CXCR6: variants seen among roughly 807,000 people sequenced by gnomAD.
CXCR6 encodes C-X-C motif chemokine receptor 6.
Under a neutral mutation model 1.6 loss-of-function variants are expected in CXCR6, and 3 were observed. That is an observed-to-expected ratio of 1.83 (90% CI 0.83 to 4.72). CXCR6 has a LOEUF of 4.72. CXCR6 is among the 30% of genes most tolerant of loss of function. The probability of loss-of-function intolerance (pLI) is 0.02; values close to 1 mark genes in which losing one functional copy is unlikely to be tolerated. For missense variants in CXCR6, 326 were observed against 414.8 expected (o/e 0.79, Z 1.86); for synonymous variants, 171 against 159.2 (o/e 1.07, Z -0.56).
intron 1 of CXCR6, 135 bp from the exon 2 acceptor site, chr3:45,946,326 G>C: frequency 1.6e-6 from 1 of 639,128 alleles, no homozygotes. Context: ...ATACTGGACT[G>C]TGCTGTTTCT....
chr3:45,946,919 C>A lies in CXCR6; in HGVS notation c.438C>A (p.Thr146=), dbSNP rs777480334. Residue 146 remains threonine, a synonymous_variant, in exon 2 of 2, where the codon ACC becomes ACA. Transcript: ENST00000304552. The stretch of plus-strand genomic sequence containing the variant: ...ACAACCAGCAAGCCAAGAGGATGAC[C>A]TGGGGCAAGGTCACCAGCTTGCTCA... The part of the protein sequence containing the change: ...KAYNQQAKRM[T]WGKVTSLLIW... 2 of 1,614,232 alleles carry A rather than the reference C, an allele frequency of 1.2e-6. No individual in the cohort carries two copies. Among genetic ancestry groups the A allele is most frequent in the Non-Finnish European group, 1.7e-6 (2 of 1,180,018 alleles).
chr3:45,947,204 G>A lies in CXCR6; in HGVS notation c.723G>A (p.Leu241=). ...KIIFLVMAVF[L]LTQMPFNLMK... Reference sequence around the variant, plus strand: ...TCTTCCTGGTGATGGCTGTGTTCCTGCTGACCCAGATGCCCTTCAACCTCA... The same window carrying A: ...TCTTCCTGGTGATGGCTGTGTTCCTACTGACCCAGATGCCCTTCAACCTCA... The change falls in exon 2 of 2, where the codon CTG becomes CTA. Residue 241 remains leucine, a synonymous_variant. Coordinates refer to ENST00000304552, the MANE Select transcript of CXCR6 (RefSeq NM_006564.2). 2.5e-6 allele frequency: 4 copies of A among 1,614,148 alleles called. No individual in the cohort carries two copies. The highest frequency in any genetic ancestry group is 2.2e-5 in the South Asian group (2 of 91,078).
At chr3:45,942,808 C>T (rs2234350), upstream of CXCR6, among the ~76,000 whole-genome samples, 2 of 152,168 alleles carry the variant, frequency 1.3e-5, no homozygotes, top group African/African-American at 4.8e-5. Context: ...AGCCAGCCTA[C>T]GCAGGGTGGG....
intron 1 of CXCR6, among the ~76,000 whole-genome samples, chr3:45,944,790 G>A (rs891194973): frequency 1.3e-5 from 2 of 152,190 alleles, no homozygotes; most frequent in Admixed American, 6.5e-5. Context: ...AAAAAAAGGC[G>A]AGAGCGAGTC....
Position 45,947,379 on chromosome 3 carries a change from T to C in CXCR6, c.898T>C (p.Trp300Arg), listed in dbSNP as rs749402028. Residue 300 changes from tryptophan (W) to arginine (R), a missense_variant, in exon 2 of 2, where the codon TGG (tryptophan) becomes CGG (arginine). Physicochemically the swap from Trp to Arg is moderately radical, Grantham distance 101. Coordinates refer to ENST00000304552, the MANE Select transcript of CXCR6 (RefSeq NM_006564.2). ...CAGCCTGAAGTTTCGAAAGAACTTC[T>C]GGAAACTTGTGAAGGACATTGGTTG... ...FVSLKFRKNF[W>R]KLVKDIGCLP... The C allele has an allele frequency of 3.7e-6, 6 of 1,614,264 alleles. No homozygotes were observed. The highest frequency in any genetic ancestry group is 1.3e-5 in the African/African-American group (1 of 75,064).
Position 45,947,508 on chromosome 3 carries a change from T to C in CXCR6, c.1027T>C (p.Ter343GlnextTer23). The C allele has an allele frequency of 1.2e-6, 2 of 1,611,060 alleles. No individual in the cohort carries two copies. The highest frequency in any genetic ancestry group is 1.1e-5 in the South Asian group (1 of 91,042). Residue 343 changes from the stop codon to glutamine (Q), a stop_lost, in exon 2 of 2, where the codon TAG becomes CAG. Coordinates refer to ENST00000304552, the MANE Select transcript of CXCR6 (RefSeq NM_006564.2). ...NVEATSMFQL[*>Q] ...GGAGGCCACCAGCATGTTCCAGTTA[T>C]AGGCCTTGCCAGGGTTTCGAGAAGC...
intron 1 of CXCR6, chr3:45,945,850 C>T (rs1013201391): frequency 6.6e-6 from 1 of 152,244 alleles, no homozygotes; most frequent in African/African-American, 2.4e-5. Flanking sequence ...CTTTGAAAAT[C>T]TATGCAATTG....
chr3:45,942,327 A>G (rs1050335956), upstream of CXCR6, among the ~76,000 whole-genome samples: 2 of 152,224 alleles, frequency 1.3e-5, no homozygotes, highest in Admixed American at 1.3e-4. Flanking sequence ...GGCTGTACAT[A>G]GAAGCATCCA....
chr3:45,944,746 A>G (rs1421925914), intron 1 of CXCR6, among the ~76,000 whole-genome samples: 2 of 152,214 alleles, frequency 1.3e-5, no homozygotes, highest in East Asian at 3.9e-4. Context: ...ATGGCAGCAT[A>G]AGGGACCAGC....
rs755410027 is a variant in CXCR6, at chr3:45,947,482, T to TGGAGTG, written c.1005_1006insTGGGAG (p.Glu335_Ala336insTrpGlu). On this transcript the variant is annotated inframe_insertion, in exon 2 of 2. Coordinates refer to ENST00000304552, the MANE Select transcript of CXCR6 (RefSeq NM_006564.2). ...AAGACTTTTTCTGCCTCCCACAATG[T>TGGAGTG]GGAGGCCACCAGCATGTTCCAGTTA... The TGGAGTG allele has an allele frequency of 6.2e-7, 1 of 1,613,842 alleles. No homozygotes were observed. Among genetic ancestry groups the TGGAGTG allele is most frequent in the African/African-American group, 1.3e-5 (1 of 75,054 alleles).
chr3:45,943,474 A>G lies in CXCR6; in HGVS notation c.-88A>G, dbSNP rs536451108. 1 of 152,352 alleles carries G rather than the reference A, an allele frequency of 6.6e-6. No individual in the cohort carries two copies. Among genetic ancestry groups the G allele is most frequent in the Non-Finnish European group, 1.5e-5 (1 of 68,032 alleles). The allele number at this position is 152,352 out of a possible 1,614,324, so 9.4% of individuals were successfully genotyped here. Reference sequence around the variant, plus strand: ...GCGGAAACATGAACCACATCACAGAAGTAGAGGCAGACCTTGCTTCATGAG... The same window carrying G: ...GCGGAAACATGAACCACATCACAGAGGTAGAGGCAGACCTTGCTTCATGAG... On this transcript the variant is annotated 5_prime_UTR_variant, in exon 1 of 2. Coordinates refer to ENST00000304552, the MANE Select transcript of CXCR6 (RefSeq NM_006564.2).
chr3:45,946,922 G>A lies in CXCR6; in HGVS notation c.441G>A (p.Trp147Ter), dbSNP rs535994857. The change falls in exon 2 of 2, where the codon TGG becomes TGA. Residue 147 changes from tryptophan to a stop codon, truncating the protein, a stop_gained. Transcript: ENST00000304552. LOFTEE classifies it low-confidence loss of function (END_TRUNC). ...AYNQQAKRMTWGKVTSLLIWV... is the reference protein window; with the variant it reads ...AYNQQAKRMT Reference sequence around the variant, plus strand: ...ACCAGCAAGCCAAGAGGATGACCTGGGGCAAGGTCACCAGCTTGCTCATCT... The same window carrying A: ...ACCAGCAAGCCAAGAGGATGACCTGAGGCAAGGTCACCAGCTTGCTCATCT... 1 of 1,614,200 alleles carries A rather than the reference G, an allele frequency of 6.2e-7. No homozygotes were observed. Among genetic ancestry groups the A allele is most frequent in the Admixed American group, 1.7e-5 (1 of 60,032 alleles).
chr3:45,947,468 T>C lies in CXCR6; in HGVS notation c.987T>C (p.Ser329=), dbSNP rs1704697796. 6.2e-7 allele frequency: 1 copy of C among 1,614,084 alleles called. No homozygotes were observed. ...KSSEDNSKTF[S]ASHNVEATSM... is the part of the protein sequence containing the mutation. ...CTGAGGACAATTCCAAGACTTTTTC[T>C]GCCTCCCACAATGTGGAGGCCACCA... The change falls in exon 2 of 2, where the codon TCT becomes TCC. Residue 329 remains serine, a synonymous_variant. Transcript: ENST00000304552.
At chr3:45,941,149 A>G (rs544554808), upstream of CXCR6, 4 of 152,336 alleles carry the variant, frequency 2.6e-5, no homozygotes, top group East Asian at 5.8e-4. Context: ...CCTCTTGAGT[A>G]CTGGGACTAT....
intron 1 of CXCR6, among the ~76,000 whole-genome samples, chr3:45,944,016 G>A (rs1240301784): frequency 6.6e-6 from 1 of 152,120 alleles, no homozygotes; most frequent in African/African-American, 2.4e-5. Context: ...TCCACCAGCT[G>A]GAGGCCAACT....
At position 45,947,351 on chromosome 3, in the gene CXCR6, T is replaced by C; in HGVS notation, c.870T>C (p.Phe290=). ...GCCTTAACCCTGTGCTCTATGCCTT[T>C]GTCAGCCTGAAGTTTCGAAAGAACT... ...RACLNPVLYA[F]VSLKFRKNFW... is the part of the protein sequence containing the mutation. The change falls in exon 2 of 2, where the codon TTT becomes TTC. Residue 290 remains phenylalanine, a synonymous_variant. Transcript: ENST00000304552. 6.2e-7 allele frequency: 1 copy of C among 1,614,234 alleles called. No individual in the cohort carries two copies. The highest frequency in any genetic ancestry group is 8.5e-7 in the Non-Finnish European group (1 of 1,180,042).
rs200437385 is a variant in CXCR6 at position 45,947,336 on chromosome 3, T to C, written c.855T>C (p.Pro285=). The part of the protein sequence containing the change: ...AIAYLRACLN[P]VLYAFVSLKF... Reference sequence around the variant, plus strand: ...CATACCTGAGGGCCTGCCTTAACCCTGTGCTCTATGCCTTTGTCAGCCTGA... The same window carrying C: ...CATACCTGAGGGCCTGCCTTAACCCCGTGCTCTATGCCTTTGTCAGCCTGA... Residue 285 remains proline (P), a synonymous_variant, in exon 2 of 2, where the codon CCT becomes CCC. Coordinates refer to ENST00000304552, the MANE Select transcript of CXCR6 (RefSeq NM_006564.2). The C allele has an allele frequency of 9.3e-6, 15 of 1,614,234 alleles. No homozygotes were observed. In the East Asian group the frequency reaches 2.9e-4, roughly 31 times the overall value.
Position 45,946,919 on chromosome 3 carries a change from C to T in CXCR6, c.438C>T (p.Thr146=). The change falls in exon 2 of 2, where the codon ACC becomes ACT. Residue 146 remains threonine, a synonymous_variant. Coordinates refer to ENST00000304552, the MANE Select transcript of CXCR6 (RefSeq NM_006564.2). The part of the protein sequence containing the change: ...KAYNQQAKRM[T]WGKVTSLLIW... ...ACAACCAGCAAGCCAAGAGGATGAC[C>T]TGGGGCAAGGTCACCAGCTTGCTCA... is the stretch of plus-strand genomic sequence containing the variant. The T allele has an allele frequency of 6.2e-7, 1 of 1,614,232 alleles. No homozygotes were observed. The highest frequency in any genetic ancestry group is 8.5e-7 in the Non-Finnish European group (1 of 1,180,018).
upstream of CXCR6, among the ~76,000 whole-genome samples, chr3:45,943,315 G>GTATCAGTCA (rs775932140): frequency 4.6e-5 from 7 of 152,174 alleles, no homozygotes; most frequent in Non-Finnish European, 7.3e-5. Flanking sequence ...GGAGTGTGGG[G>GTATCAGTCA]TATCAGTCAC....
Sources: allele counts gnomAD v4.1 joint callset (sites outside exome capture counted in the v4.1 genomes callset), GRCh38; gene constraint gnomAD v4.1.1; transcripts MANE v1.5; gene names NCBI Gene and HGNC (gene_info 2026-07-23, HGNC 2026-07-21).